MRTFB: variants seen among roughly 807,000 people sequenced by gnomAD.
The protein encoded by MRTFB is myocardin related transcription factor B.
Under a neutral mutation model 104.2 loss-of-function variants are expected in MRTFB, and 29 were observed. The ratio of observed to expected loss-of-function variants is 0.28; its 90% CI spans 0.21 to 0.38. MRTFB has a LOEUF of 0.38. MRTFB is among the 10% of genes least tolerant of loss of function. MRTFB has a pLI of 1.00. For synonymous variants in MRTFB, 535 were observed against 519.5 expected, an observed-to-expected ratio of 1.03 and a Z score of -0.41; for missense variants, 1,270 against 1,341.6, an observed-to-expected ratio of 0.95 and a Z score of 0.83.
intron 13 of MRTFB, among the ~76,000 whole-genome samples, chr16:14,250,640 C>T (rs894370803): frequency 6.6e-6 from 1 of 152,196 alleles, no homozygotes; most frequent in Non-Finnish European, 1.5e-5. Context: ...AAGAAGCTTA[C>T]ATGCCAGCCA....
the MRTFB span, among the ~76,000 whole-genome samples, chr16:14,061,070 T>G: frequency 6.6e-6 from 1 of 151,238 alleles, no homozygotes; most frequent in Non-Finnish European, 1.5e-5. Context: ...GGCGTGAACC[T>G]GGGAGGCAGA....
chr16:14,189,241 T>A (rs2151045878), intron 3 of MRTFB, among the ~76,000 whole-genome samples: 1 of 152,306 alleles, frequency 6.6e-6, no homozygotes, highest in South Asian at 2.1e-4. Flanking sequence ...TAAAAATAAC[T>A]CGGTTCTCTT....
intron 1 of MRTFB, among the ~76,000 whole-genome samples, chr16:14,078,957 T>TA (rs2034234499): frequency 6.6e-6 from 1 of 152,256 alleles, no homozygotes; most frequent in African/African-American, 2.4e-5. Context: ...AGAAGTTACT[T>TA]ACCCCAGATC....
rs546523534 is a variant in MRTFB at position 14,177,607 on chromosome 16, T to C, written c.155-32636T>C. Among the ~76,000 whole-genome samples, 91 of 152,212 alleles carry C rather than the reference T, an allele frequency of 6.0e-4. No homozygotes were observed. Among genetic ancestry groups the C allele is most frequent in the African/African-American group, 2.1e-3 (89 of 41,548 alleles). ...TGGGAGGCCACAGCAGGAGGATTGC[T>C]TCAGCCCAGGAGTTCGAGACCAGCC... On this transcript the variant is annotated intron_variant, in intron 3 of 16. Coordinates refer to ENST00000571589, the MANE Select transcript of MRTFB (RefSeq NM_001308142.2). This position sits in a 1 kb window ranked among gnomAD's most constrained non-coding sequence, Gnocchi z 4.7.
At chr16:14,146,351 T>C (rs2038314251) in intron 3 of MRTFB, among the ~76,000 whole-genome samples, 1 of 152,260 alleles carries the variant, frequency 6.6e-6, no homozygotes, top group Non-Finnish European at 1.5e-5. Context: ...CCGTTCTTAT[T>C]TTAAACTTCG....
the MRTFB span, among the ~76,000 whole-genome samples, chr16:14,026,505 C>G: frequency 6.6e-6 from 1 of 152,158 alleles, no homozygotes; most frequent in Non-Finnish European, 1.5e-5. Flanking sequence ...AGTTCTTACA[C>G]ATTACACCAA....
chr16:14,074,262 G>T (rs538421345), intron 1 of MRTFB, among the ~76,000 whole-genome samples: 26 of 152,230 alleles, frequency 1.7e-4, no homozygotes, highest in Middle Eastern at 3.4e-3. Flanking sequence ...TGAGAGTAAT[G>T]AATTTATATT....
intron 8 of MRTFB, among the ~76,000 whole-genome samples, chr16:14,222,396 T>C (rs1044399152): frequency 1.3e-5 from 2 of 152,192 alleles, no homozygotes; most frequent in African/African-American, 4.8e-5. Context: ...ATAAACTTTC[T>C]TAAAACATTA....
chr16:14,202,634 G>A (rs2040758652), intron 3 of MRTFB, among the ~76,000 whole-genome samples: 1 of 152,214 alleles, frequency 6.6e-6, no homozygotes, highest in African/African-American at 2.4e-5. Context: ...AGTGTCTAAT[G>A]TAATAGTAGT....
chr16:14,250,001 G>A (rs192185), intron 13 of MRTFB, among the ~76,000 whole-genome samples: 35,369 of 152,050 alleles, frequency 0.23, 7,287 homozygotes, highest in African/African-American at 0.55. Flanking sequence ...GGGAAAGCTC[G>A]AAATACCATT....
chr16:14,154,785 T>C (rs1452593044), intron 3 of MRTFB, among the ~76,000 whole-genome samples: 1 of 152,250 alleles, frequency 6.6e-6, no homozygotes, highest in Non-Finnish European at 1.5e-5. Flanking sequence ...TCAGTTCTTT[T>C]AGGACTGTTG....
At chr16:14,111,522 C>T (rs571149150) in intron 2 of MRTFB, among the ~76,000 whole-genome samples, 9 of 152,210 alleles carry the variant, frequency 5.9e-5, no homozygotes, top group Non-Finnish European at 8.8e-5. Flanking sequence ...AGTTGCTTAA[C>T]GTGAATTTGG....
At chr16:14,071,077 C>T (rs1032405424), upstream of MRTFB, among the ~76,000 whole-genome samples, 2 of 152,186 alleles carry the variant, frequency 1.3e-5, no homozygotes, top group Non-Finnish European at 2.9e-5. Context: ...CATGCGCACG[C>T]GCACCCGGCC....
At chr16:14,034,985 G>T in the MRTFB span, among the ~76,000 whole-genome samples, 1 of 152,112 alleles carries the variant, frequency 6.6e-6, no homozygotes, top group African/African-American at 2.4e-5. Flanking sequence ...CTTTGGTCCC[G>T]GGGAGGGTAT....
Position 14,264,838 on chromosome 16 carries a change from C to T in MRTFB, c.*3394C>T, listed in dbSNP as rs2043891617. 1 of 152,214 alleles carries T rather than the reference C, an allele frequency of 6.6e-6. No homozygotes were observed. Among genetic ancestry groups the T allele is most frequent in the East Asian group, 1.9e-4 (1 of 5,194 alleles). The allele number at this position is 152,214 out of a possible 1,614,324, so 9.4% of individuals were successfully genotyped here. The stretch of plus-strand genomic sequence containing the variant: ...CAGGGGCGCACTACCTATTTTGTCA[C>T]CAGAGCTGACTCAGGCTTCCTGGAC... On this transcript the variant is annotated 3_prime_UTR_variant, in exon 17 of 17. Transcript: ENST00000571589.
chr16:14,100,360 A>G (rs1267119014), intron 2 of MRTFB, among the ~76,000 whole-genome samples: 1 of 152,228 alleles, frequency 6.6e-6, no homozygotes. Flanking sequence ...TGAGATAATC[A>G]TATGGTTGTT....
the MRTFB span, among the ~76,000 whole-genome samples, chr16:14,030,631 CCTTT>C: frequency 2.6e-5 from 4 of 152,184 alleles, no homozygotes; most frequent in African/African-American, 9.7e-5. Flanking sequence ...CTCCCAACTG[CCTTT>C]CAAGGCAGGT....
chr16:14,023,875 A>C, the MRTFB span, among the ~76,000 whole-genome samples: 5 of 152,012 alleles, frequency 3.3e-5, no homozygotes, highest in African/African-American at 1.2e-4. Flanking sequence ...ACAGGGTGAA[A>C]CCCTGTCTCT....
chr16:14,017,149 C>T, the MRTFB span, among the ~76,000 whole-genome samples: 12 of 151,302 alleles, frequency 7.9e-5, no homozygotes, highest in Non-Finnish European at 1.5e-4. Context: ...CTCCACCTCC[C>T]GGGTTCACAC....
Sources: allele counts gnomAD v4.1 joint callset (sites outside exome capture counted in the v4.1 genomes callset), GRCh38; gene constraint gnomAD v4.1.1; non-coding constraint Gnocchi (gnomAD v3.1); transcripts MANE v1.5; gene names NCBI Gene and HGNC (gene_info 2026-07-23, HGNC 2026-07-21).